Variants in CBX2 observed in about 807,000 individuals in gnomAD.
CBX2 encodes the protein chromobox protein homolog 2.
CBX2 carries 11 observed loss-of-function variants against 21.0 expected under a neutral mutation model. That is an observed-to-expected ratio of 0.52 (90% CI 0.33 to 0.87). The LOEUF (loss-of-function observed/expected upper bound fraction) is 0.87, where lower values mean the gene tolerates loss of function less well. Ranked by LOEUF, CBX2 falls within the 40% of genes least tolerant of loss-of-function variation. The probability of loss-of-function intolerance (pLI) is 0.02; values close to 1 mark genes in which losing one functional copy is unlikely to be tolerated. For synonymous variants in CBX2, 364 were observed against 304.6 expected (o/e 1.19, Z -2.03); for missense variants, 746 against 724.3 (o/e 1.03, Z -0.34).
At chr17:79,779,567 C>T (rs1214391525) in intron 3 of CBX2, 140 bp downstream of exon 3, 5 of 739,570 alleles carry the variant, frequency 6.8e-6, no homozygotes, top group South Asian at 3.2e-5. Context: ...TGTCCAGGGC[C>T]ATCTCTGTGG....
In CBX2 at chr17:79,778,226, G is replaced by C. The variant is rs1555829335; in HGVS notation, c.-10G>C. Reference sequence around the variant, plus strand: ...GGCGGGCGCCGCGGTCGGGCTGGCTGCCGGGCAGCATGGAGGAGCTGAGCA... The same window carrying C: ...GGCGGGCGCCGCGGTCGGGCTGGCTCCCGGGCAGCATGGAGGAGCTGAGCA... On this transcript the variant is annotated 5_prime_UTR_variant, in exon 1 of 5. Transcript: ENST00000310942. This position sits in a 1 kb window ranked among gnomAD's most constrained non-coding sequence, Gnocchi z 4.8. The C allele has an allele frequency of 7.1e-7, 1 of 1,401,936 alleles. No homozygotes were observed. The highest frequency in any genetic ancestry group is 2.6e-5 in the Admixed American group (1 of 39,060). 86.8% of individuals were successfully genotyped at this position (1,401,936 alleles called of 1,614,324 possible).
Position 79,779,257 on chromosome 17 carries a change from A to T in CBX2, c.117-105A>T. On this transcript the variant is annotated intron_variant, in intron 2 of 4. Transcript: ENST00000310942. Reference sequence around the variant, plus strand: ...GCCATGGTGCTACGGTGCCACTGCCATCGGCCCAAGTCGAGGAGCGGTGAG... The same window carrying T: ...GCCATGGTGCTACGGTGCCACTGCCTTCGGCCCAAGTCGAGGAGCGGTGAG... 3 of 1,103,858 alleles carry T rather than the reference A, an allele frequency of 2.7e-6. No individual in the cohort carries two copies. In the South Asian group the frequency reaches 4.0e-5, roughly 15 times the overall value. The allele number at this position is 1,103,858 out of a possible 1,614,324, so 68.4% of individuals were successfully genotyped here. A position where few individuals can be genotyped will look rare whatever the true frequency, so the allele number is the denominator to read the frequency against.
At chr17:79,782,761 T>C (rs1205132705) in intron 4 of CBX2, among the ~76,000 whole-genome samples, 1 of 152,094 alleles carries the variant, frequency 6.6e-6, no homozygotes, top group Non-Finnish European at 1.5e-5. Flanking sequence ...TGAGGAGGTT[T>C]GAGGAGATCA....
In CBX2 at chr17:79,778,239, G is replaced by C. The variant is rs1206760291; in HGVS notation, c.4G>C (p.Glu2Gln). ...GTCGGGCTGGCTGCCGGGCAGCATGGAGGAGCTGAGCAGCGTGGGCGAGCA... is the reference window on the plus strand; with the variant it reads ...GTCGGGCTGGCTGCCGGGCAGCATGCAGGAGCTGAGCAGCGTGGGCGAGCA... M[E>Q]ELSSVGEQVF... Residue 2 changes from glutamate to glutamine, a missense_variant, in exon 1 of 5, where the codon GAG becomes CAG. Coordinates refer to ENST00000310942, the MANE Select transcript of CBX2 (RefSeq NM_005189.3). This position sits in a 1 kb window ranked among gnomAD's most constrained non-coding sequence, Gnocchi z 4.8. 6.8e-7 allele frequency: 1 copy of C among 1,473,734 alleles called. No homozygotes were observed. The highest frequency in any genetic ancestry group is 1.5e-5 in the African/African-American group (1 of 68,122). 91.3% of individuals were successfully genotyped at this position (1,473,734 alleles called of 1,614,324 possible). A position where few individuals can be genotyped will look rare whatever the true frequency, so the allele number is the denominator to read the frequency against.
intron 4 of CBX2, among the ~76,000 whole-genome samples, chr17:79,782,817 G>C (rs533187941): frequency 2.4e-4 from 37 of 152,276 alleles, no homozygotes; most frequent in African/African-American, 8.7e-4. Flanking sequence ...GGCGGTGTTG[G>C]ATCTGACTCC....
In CBX2 at chr17:79,787,360, G is replaced by T. The variant is rs1247033508; in HGVS notation, c.*2318G>T. The T allele has an allele frequency of 6.6e-6, 1 of 152,662 alleles. No homozygotes were observed. The highest frequency in any genetic ancestry group is 1.5e-5 in the Non-Finnish European group (1 of 68,048). 9.5% of individuals were successfully genotyped at this position (152,662 alleles called of 1,614,324 possible). A position where few individuals can be genotyped will look rare whatever the true frequency, so the allele number is the denominator to read the frequency against. ...GGGTCTCTCCAGACCCTGATTCGGT[G>T]CCTTTCTGTTTACCAGCTACTTCAA... On this transcript the variant is annotated 3_prime_UTR_variant, in exon 5 of 5. Transcript: ENST00000310942.
intron 3 of CBX2, among the ~76,000 whole-genome samples, chr17:79,779,933 TTTA>T (rs1907047208): frequency 6.6e-6 from 1 of 151,794 alleles, no homozygotes. Flanking sequence ...GAAAGAAACA[TTTA>T]TTTTGCTCTG....
At chr17:79,779,218 G>A in intron 2 of CBX2, 144 bp from the exon 3 acceptor site, 1 of 799,250 alleles carries the variant, frequency 1.3e-6, no homozygotes, top group South Asian at 1.5e-5. Flanking sequence ...ACCTGGGTTT[G>A]GACTTTGAGA....
chr17:79,777,403 C>T (rs1185236415), upstream of CBX2, among the ~76,000 whole-genome samples: 2 of 152,220 alleles, frequency 1.3e-5, no homozygotes, highest in Non-Finnish European at 2.9e-5. Context: ...TGGTTTTCTC[C>T]CTACACGTGC....
intron 4 of CBX2, chr17:79,782,029 C>T (rs1555830443): frequency 4.3e-6 from 7 of 1,613,928 alleles, no homozygotes; most frequent in Admixed American, 1.7e-5. Context: ...GGGCTTCCTG[C>T]TTCAGCCTGT....
chr17:79,779,339 C>T lies in CBX2; in HGVS notation c.117-23C>T, dbSNP rs369460211. On this transcript the variant is annotated intron_variant, in intron 2 of 4. Transcript: ENST00000310942. ...GTGATCATCAGCCTGGCGTCTAATG[C>T]TGCCCTGTCCTCTGCTTTGCAGACA... The T allele has an allele frequency of 1.6e-4, 253 of 1,612,086 alleles. 1 individual carries two copies. In the African/African-American group the frequency reaches 2.5e-3, roughly 16 times the overall value.
rs1555831002 is a variant in CBX2 at position 79,783,948 on chromosome 17, C to A, written c.505C>A (p.Leu169Met). Residue 169 changes from leucine to methionine, a missense_variant, in exon 5 of 5, where the codon CTG becomes ATG. Coordinates refer to ENST00000310942, the MANE Select transcript of CBX2 (RefSeq NM_005189.3). ...PIRKKRGRKP[L>M]PPEQKATRRP... ...CCGGAAGAAGCGGGGACGAAAGCCC[C>A]TGCCCCCAGAGCAAAAGGCAACCCG... 1 of 1,613,956 alleles carries A rather than the reference C, an allele frequency of 6.2e-7. No homozygotes were observed. Among genetic ancestry groups the A allele is most frequent in the Non-Finnish European group, 8.5e-7 (1 of 1,180,052 alleles).
At position 79,785,616 on chromosome 17, in the gene CBX2, G is replaced by A. The variant is rs900148748; in HGVS notation, c.*574G>A. On this transcript the variant is annotated 3_prime_UTR_variant, in exon 5 of 5. Coordinates refer to ENST00000310942, the MANE Select transcript of CBX2 (RefSeq NM_005189.3). ...CTGGCTGGCATTGCCTGAGCCGGCA[G>A]TGATGAAGTGGGGAGCTTGCCCTTG... 5 of 159,644 alleles carry A rather than the reference G, an allele frequency of 3.1e-5. No homozygotes were observed. The highest frequency in any genetic ancestry group is 5.5e-5 in the Non-Finnish European group (4 of 72,132). The allele number at this position is 159,644 out of a possible 1,614,324, so 9.9% of individuals were successfully genotyped here.
intron 3 of CBX2, among the ~76,000 whole-genome samples, chr17:79,780,745 G>C (rs1460952496): frequency 6.6e-6 from 1 of 152,160 alleles, no homozygotes; most frequent in Non-Finnish European, 1.5e-5. Flanking sequence ...GGTATTGGAG[G>C]GGGTGGGGGT....
chr17:79,780,869 A>G (rs1011398191), intron 3 of CBX2, among the ~76,000 whole-genome samples: 1 of 152,242 alleles, frequency 6.6e-6, no homozygotes, highest in Non-Finnish European at 1.5e-5. Context: ...GTTAAGGACC[A>G]GCACTTAAGA....
intron 4 of CBX2, chr17:79,782,428 C>G (rs956541672): frequency 3.4e-5 from 45 of 1,308,286 alleles, no homozygotes; most frequent in Non-Finnish European, 4.4e-5. Flanking sequence ...CGTGGTAGGG[C>G]CCCTCCCTCC....
At position 79,783,798 on chromosome 17, in the gene CBX2, T is replaced by C. The variant is rs782262601; in HGVS notation, c.355T>C (p.Ser119Pro). ...CTCTTCCTCCACGTCATCCTCCTCTTCCTCAGATGAAGAGGATGACAGTGA... is the reference window on the plus strand; with the variant it reads ...CTCTTCCTCCACGTCATCCTCCTCTCCCTCAGATGAAGAGGATGACAGTGA... ...SSSSSTSSSS[S>P]SDEEDDSDLD... The change falls in exon 5 of 5, where the codon TCC (serine) becomes CCC (proline). Residue 119 changes from serine (S) to proline (P), a missense_variant. Ser to Pro is a moderately conservative substitution (Grantham distance 74, BLOSUM62 -1). Around this residue, in one of 2 missense-constraint regions of CBX2, gnomAD observed 701 missense variants for 650.7 expected, o/e 1.08. Coordinates refer to ENST00000310942, the MANE Select transcript of CBX2 (RefSeq NM_005189.3). 16 of 1,585,570 alleles carry C rather than the reference T, an allele frequency of 1.0e-5. No homozygotes were observed. In the East Asian group the frequency reaches 1.4e-4, roughly 14 times the overall value.
At chr17:79,783,024 G>A (rs1282219070) in intron 4 of CBX2, among the ~76,000 whole-genome samples, 1 of 152,196 alleles carries the variant, frequency 6.6e-6, no homozygotes, top group Non-Finnish European at 1.5e-5. Flanking sequence ...AGCTGTGCAT[G>A]CTACTTAATA....
rs925144648 is a variant in CBX2, at chr17:79,782,349, G to A, written c.288+548G>A. On this transcript the variant is annotated intron_variant, in intron 4 of 4. Transcript: ENST00000310942. Reference sequence around the variant, plus strand: ...GATGTGCTTTGGCCTTCTCGGGACTGTCCTGTCACCCCTCCTCGCTACAGT... The same window carrying A: ...GATGTGCTTTGGCCTTCTCGGGACTATCCTGTCACCCCTCCTCGCTACAGT... 2.1e-6 allele frequency: 3 copies of A among 1,461,582 alleles called. No homozygotes were observed. In the African/African-American group the frequency reaches 4.2e-5, roughly 21 times the overall value. 90.5% of individuals were successfully genotyped at this position (1,461,582 alleles called of 1,614,324 possible).
Sources: allele counts gnomAD v4.1 joint callset (sites outside exome capture counted in the v4.1 genomes callset), GRCh38; gene constraint gnomAD v4.1.1; regional missense constraint gnomAD v4.1.1; non-coding constraint Gnocchi (gnomAD v3.1); transcripts MANE v1.5; gene names NCBI Gene and HGNC (gene_info 2026-07-23, HGNC 2026-07-21).